Variants in NPAS3 observed in about 807,000 individuals in gnomAD.
NPAS3 encodes neuronal PAS domain protein 3.
In NPAS3, 14 loss-of-function variants were observed where a neutral mutation model predicts 73.1. That is an observed-to-expected ratio of 0.19 (90% confidence interval 0.13 to 0.30). NPAS3 has a LOEUF of 0.30. Ranked by LOEUF, NPAS3 falls within the 10% of genes least tolerant of loss-of-function variation. NPAS3 has a pLI of 1.00. For missense variants in NPAS3, 1,096 were observed against 1,250.0 expected (o/e 0.88, Z 1.86); for synonymous variants, 620 against 541.5 (o/e 1.14, Z -2.01).
intron 4 of NPAS3, among the ~76,000 whole-genome samples, chr14:33,462,905 G>T (rs1164350353): frequency 6.6e-6 from 1 of 152,156 alleles, no homozygotes; most frequent in Non-Finnish European, 1.5e-5. Flanking sequence ...GATAAAATGA[G>T]ATCTTACATG....
chr14:33,055,068 A>T (rs1384787870), intron 1 of NPAS3, among the ~76,000 whole-genome samples: 2 of 152,222 alleles, frequency 1.3e-5, no homozygotes, highest in Non-Finnish European at 2.9e-5. Flanking sequence ...GATATTGTGT[A>T]TTGATTAAAT....
intron 10 of NPAS3, among the ~76,000 whole-genome samples, chr14:33,797,010 C>T (rs970162032): frequency 6.6e-6 from 1 of 152,078 alleles, no homozygotes; most frequent in Non-Finnish European, 1.5e-5. Flanking sequence ...AGCGTGGGAG[C>T]CATCTGAGCG....
intron 7 of NPAS3, among the ~76,000 whole-genome samples, chr14:33,737,889 G>A (rs1242295764): frequency 1.3e-5 from 2 of 152,116 alleles, no homozygotes; most frequent in African/African-American, 4.8e-5. Flanking sequence ...CCTAATTTAT[G>A]ACCATTGTAT....
intron 4 of NPAS3, among the ~76,000 whole-genome samples, chr14:33,397,517 A>G (rs555321209): frequency 6.6e-6 from 1 of 152,108 alleles, no homozygotes; most frequent in Non-Finnish European, 1.5e-5. Flanking sequence ...TGGTGGCTCT[A>G]TTACACCAAT....
At chr14:33,292,556 A>G (rs2042143164) in intron 3 of NPAS3, among the ~76,000 whole-genome samples, 1 of 152,182 alleles carries the variant, frequency 6.6e-6, no homozygotes, top group Admixed American at 6.5e-5. Flanking sequence ...AATATGTTTT[A>G]CAGAAAAAAA....
chr14:32,998,996 C>T (rs892231105), intron 1 of NPAS3, among the ~76,000 whole-genome samples: 8 of 152,182 alleles, frequency 5.3e-5, no homozygotes, highest in East Asian at 1.9e-4. Flanking sequence ...AGGGCTGGAA[C>T]CACATCATAT....
intron 4 of NPAS3, among the ~76,000 whole-genome samples, chr14:33,451,071 C>A (rs1647880567): frequency 5.9e-5 from 9 of 152,096 alleles, no homozygotes; most frequent in Admixed American, 5.9e-4. Flanking sequence ...GTTTATCGTT[C>A]CAGCTAGACT....
intron 2 of NPAS3, among the ~76,000 whole-genome samples, chr14:33,172,752 A>T (rs2045443381): frequency 6.6e-6 from 1 of 152,018 alleles, no homozygotes; most frequent in African/African-American, 2.4e-5. Context: ...AAAAAAAAAA[A>T]ATTAAAAATT....
intron 5 of NPAS3, among the ~76,000 whole-genome samples, chr14:33,601,792 T>C (rs999019101): frequency 5.3e-5 from 8 of 152,208 alleles, no homozygotes; most frequent in African/African-American, 1.9e-4. Context: ...TAGCGGTAAA[T>C]ATCCTCTTAA....
intron 2 of NPAS3, among the ~76,000 whole-genome samples, chr14:33,155,265 T>G (rs1034601718): frequency 6.6e-6 from 1 of 152,260 alleles, no homozygotes; most frequent in African/African-American, 2.4e-5. Flanking sequence ...GGGAGAATTA[T>G]TTAGAGCCAG....
chr14:33,286,085 G>A (rs533089426), intron 3 of NPAS3, among the ~76,000 whole-genome samples: 65 of 152,220 alleles, frequency 4.3e-4, no homozygotes, highest in African/African-American at 1.3e-3. Flanking sequence ...TATCTTCCCT[G>A]TTGTGCTTTT....
chr14:33,548,297 G>A (rs1206030419), intron 4 of NPAS3, among the ~76,000 whole-genome samples: 2 of 152,308 alleles, frequency 1.3e-5, no homozygotes, highest in East Asian at 1.9e-4. Context: ...TTCATCAAAT[G>A]TAGTGAATGG....
intron 3 of NPAS3, among the ~76,000 whole-genome samples, chr14:33,342,632 T>A (rs1172953082): frequency 6.6e-6 from 1 of 152,240 alleles, no homozygotes; most frequent in Non-Finnish European, 1.5e-5. Context: ...GTGTTTGCAC[T>A]TAATGTATTA....
At chr14:33,025,998 A>G (rs1281897604) in intron 1 of NPAS3, among the ~76,000 whole-genome samples, 1 of 152,200 alleles carries the variant, frequency 6.6e-6, no homozygotes, top group Non-Finnish European at 1.5e-5. Context: ...TAATTTGATT[A>G]TTTAAAATAA....
At chr14:33,120,691 C>G (rs950118607) in intron 2 of NPAS3, among the ~76,000 whole-genome samples, 6 of 152,054 alleles carry the variant, frequency 3.9e-5, no homozygotes, top group Non-Finnish European at 8.8e-5. Flanking sequence ...TCCTCCTTCT[C>G]AAGAGATACT....
intron 2 of NPAS3, among the ~76,000 whole-genome samples, chr14:33,090,106 C>A (rs1343163051): frequency 3.3e-5 from 5 of 152,154 alleles, no homozygotes; most frequent in African/African-American, 1.2e-4. Context: ...GACAAAATAA[C>A]CAGCTAACAT....
intron 4 of NPAS3, among the ~76,000 whole-genome samples, chr14:33,519,754 C>T (rs1311932068): frequency 6.6e-6 from 1 of 152,104 alleles, no homozygotes; most frequent in African/African-American, 2.4e-5. Context: ...GTTCACATTC[C>T]TAGTCATTCC....
chr14:33,599,479 C>T (rs551356606), intron 5 of NPAS3, among the ~76,000 whole-genome samples: 114 of 152,182 alleles, frequency 7.5e-4, no homozygotes, highest in Non-Finnish European at 1.3e-3. Flanking sequence ...GTTAAGGTCC[C>T]CTGTGCACCA....
intron 4 of NPAS3, among the ~76,000 whole-genome samples, chr14:33,539,509 C>T (rs1185688990): frequency 5.3e-5 from 8 of 151,950 alleles, no homozygotes; most frequent in Admixed American, 2.0e-4. Flanking sequence ...TAATTAATTT[C>T]GCAGGGTGCC....
Sources: allele counts gnomAD v4.1 joint callset (sites outside exome capture counted in the v4.1 genomes callset), GRCh38; gene constraint gnomAD v4.1.1; transcripts MANE v1.5; gene names NCBI Gene and HGNC (gene_info 2026-07-23, HGNC 2026-07-21).